Variants in MYOCOS observed in about 807,000 individuals in gnomAD.
The protein encoded by MYOCOS is myocilin opposite strand.
At chr1:171,605,392 CACAAAAAAAA>C (rs1404929071) in intron 1 of MYOCOS, among the ~76,000 whole-genome samples, 2 of 124,022 alleles carry the variant, frequency 1.6e-5, no homozygotes, top group African/African-American at 9.0e-5. Flanking sequence ...CACACACACA[CACAAAAAAAA>C]AAAAACAGTT....
upstream of MYOCOS, among the ~76,000 whole-genome samples, chr1:171,621,376 T>TG (rs1351468075): frequency 7.6e-3 from 1,096 of 143,450 alleles, 5 homozygotes; most frequent in Non-Finnish European, 0.013. Context: ...TATGGTGGGT[T>TG]TTTTTTTTTT....
At chr1:171,605,295 C>T (rs1652221340) in intron 1 of MYOCOS, among the ~76,000 whole-genome samples, 1 of 150,554 alleles carries the variant, frequency 6.6e-6, no homozygotes, top group Non-Finnish European at 1.5e-5. Flanking sequence ...GACAATATTA[C>T]ATAGCTAGAA....
intron 2 of MYOCOS, among the ~76,000 whole-genome samples, chr1:171,625,463 G>A (rs1348406067): frequency 1.3e-5 from 2 of 152,366 alleles, no homozygotes; most frequent in African/African-American, 4.8e-5. Context: ...AAGATTTAAT[G>A]TGGGGGCTGA....
At chr1:171,612,631 G>C (rs1652376718) in intron 1 of MYOCOS, among the ~76,000 whole-genome samples, 1 of 151,888 alleles carries the variant, frequency 6.6e-6, no homozygotes, top group South Asian at 2.1e-4. Flanking sequence ...TTCGAGACCA[G>C]CCTGACCAAC....
chr1:171,610,980 T>C (rs1369157306), intron 1 of MYOCOS, among the ~76,000 whole-genome samples: 1 of 152,202 alleles, frequency 6.6e-6, no homozygotes, highest in African/African-American at 2.4e-5. Context: ...TGACCAATCA[T>C]CCAAGCCATT....
At chr1:171,623,498 G>A (rs1036109215) in intron 1 of MYOCOS, among the ~76,000 whole-genome samples, 10 of 152,292 alleles carry the variant, frequency 6.6e-5, no homozygotes, top group South Asian at 2.1e-4. Context: ...CAGGGCTGCC[G>A]TGCAACCTGG....
chr1:171,612,466 G>A (rs1379043813), intron 1 of MYOCOS, among the ~76,000 whole-genome samples: 2 of 152,052 alleles, frequency 1.3e-5, no homozygotes, highest in African/African-American at 2.4e-5. Context: ...GACTTGGGGG[G>A]AAGCAGAAAG....
intron 1 of MYOCOS, among the ~76,000 whole-genome samples, chr1:171,608,200 A>G (rs1652286032): frequency 6.6e-6 from 1 of 152,306 alleles, no homozygotes; most frequent in African/African-American, 2.4e-5. Flanking sequence ...GTCAGGGCTT[A>G]CAGGATACAC....
At chr1:171,612,705 C>T (rs1398016890) in intron 1 of MYOCOS, among the ~76,000 whole-genome samples, 1 of 152,088 alleles carries the variant, frequency 6.6e-6, no homozygotes, top group East Asian at 1.9e-4. Flanking sequence ...TGGCGCATGC[C>T]TGTAATCCCA....
At chr1:171,607,175 T>G (rs918586242) in intron 1 of MYOCOS, among the ~76,000 whole-genome samples, 1 of 151,978 alleles carries the variant, frequency 6.6e-6, no homozygotes, top group African/African-American at 2.4e-5. Flanking sequence ...ATGGAGATGA[T>G]TCTATCTTCC....
intron 2 of MYOCOS, 149 bp from the exon 3 acceptor site, chr1:171,626,305 C>A (rs1374668924): frequency 3.1e-5 from 12 of 382,012 alleles, no homozygotes; most frequent in Non-Finnish European, 5.5e-5. Flanking sequence ...TGGTCTTGAA[C>A]TCCTGGGCTC....
At chr1:171,615,861 A>G (rs1652438897) in intron 2 of MYOCOS, among the ~76,000 whole-genome samples, 1 of 152,046 alleles carries the variant, frequency 6.6e-6, no homozygotes, top group Admixed American at 6.6e-5. Flanking sequence ...TCCTTCTACA[A>G]CTCAGTGTCT....
At chr1:171,612,820 A>G (rs1309407815) in intron 1 of MYOCOS, among the ~76,000 whole-genome samples, 3 of 152,164 alleles carry the variant, frequency 2.0e-5, no homozygotes, top group Non-Finnish European at 4.4e-5. Context: ...ACAAGAGTGA[A>G]ACTCCATCTC....
At chr1:171,610,360 A>G (rs960231084) in intron 1 of MYOCOS, among the ~76,000 whole-genome samples, 1 of 152,220 alleles carries the variant, frequency 6.6e-6, no homozygotes, top group Non-Finnish European at 1.5e-5. Context: ...GATGTTACAG[A>G]GTGTGATAAT....
At chr1:171,617,612 T>C (rs1168881461), upstream of MYOCOS, among the ~76,000 whole-genome samples, 1 of 152,158 alleles carries the variant, frequency 6.6e-6, no homozygotes, top group African/African-American at 2.4e-5. Flanking sequence ...ATACGAGACA[T>C]GTTTTTTAAA....
At position 171,608,164 on chromosome 1, in the gene MYOCOS, G is replaced by C. The variant is rs543395625; in HGVS notation, c.-251-6634G>C. Among the ~76,000 whole-genome samples the C allele has an allele frequency of 3.3e-5, 5 of 152,248 alleles. No homozygotes were observed. In the East Asian group the frequency reaches 9.7e-4, roughly 29 times the overall value. ...GAGATACAATTCAAGATGAGATTTG[G>C]GTGGGGACACGGCCAAACCATATCA... On this transcript the variant is annotated intron_variant, in intron 1 of 3. Coordinates refer to the MYOCOS transcript ENST00000636697.
intron 1 of MYOCOS, among the ~76,000 whole-genome samples, chr1:171,609,282 A>C (rs1652309150): frequency 6.6e-6 from 1 of 152,234 alleles, no homozygotes; most frequent in South Asian, 2.1e-4. Context: ...CTGGGAGCCA[A>C]ATGTATTCTT....
At chr1:171,612,387 C>G (rs1002208043) in intron 1 of MYOCOS, among the ~76,000 whole-genome samples, 117 of 152,040 alleles carry the variant, frequency 7.7e-4, no homozygotes, top group African/African-American at 2.7e-3. Flanking sequence ...CCTGTACCCT[C>G]TAGGTTTCTA....
At chr1:171,618,913 T>C (rs757523041), upstream of MYOCOS, among the ~76,000 whole-genome samples, 2 of 152,190 alleles carry the variant, frequency 1.3e-5, no homozygotes, top group Admixed American at 6.5e-5. Flanking sequence ...TCCCCCTTTT[T>C]TGACATGAGT....
Sources: allele counts gnomAD v4.1 joint callset (sites outside exome capture counted in the v4.1 genomes callset), GRCh38; gene constraint gnomAD v4.1.1; transcripts MANE v1.5; gene names NCBI Gene and HGNC (gene_info 2026-07-23, HGNC 2026-07-21).